DPP6: variants seen among roughly 807,000 people sequenced by gnomAD.
DPP6 encodes the protein A-type potassium channel modulatory protein DPP6.
In DPP6, 69 loss-of-function variants were observed where a neutral mutation model predicts 122.6. The ratio of observed to expected loss-of-function variants is 0.56; its 90% CI spans 0.46 to 0.69. DPP6 has a LOEUF of 0.69. Ranked by LOEUF, DPP6 falls within the 30% of genes least tolerant of loss-of-function variation. The pLI is 0.00. For missense variants in DPP6, 928 were observed against 1,116.9 expected (o/e 0.83, Z 2.41); for synonymous variants, 418 against 433.1 (o/e 0.97, Z 0.43).
At chr7:153,784,932 T>C in the DPP6 span, among the ~76,000 whole-genome samples, 1 of 152,240 alleles carries the variant, frequency 6.6e-6, no homozygotes, top group African/African-American at 2.4e-5. Context: ...TAACCTCTTT[T>C]GTAGCATTTA....
intron 1 of DPP6, among the ~76,000 whole-genome samples, chr7:154,253,769 ACTAC>A (rs905783542): frequency 1.3e-5 from 2 of 152,238 alleles, no homozygotes; most frequent in African/African-American, 4.8e-5. Context: ...CACTGTGATA[ACTAC>A]CTGAGACTGG....
chr7:153,837,975 T>C, the DPP6 span, among the ~76,000 whole-genome samples: 2 of 151,670 alleles, frequency 1.3e-5, no homozygotes, highest in Non-Finnish European at 2.9e-5. Context: ...TACCTCTTTG[T>C]AGTTCTTATA....
At chr7:154,335,311 A>G (rs764204562) in intron 1 of DPP6, among the ~76,000 whole-genome samples, 40 of 151,942 alleles carry the variant, frequency 2.6e-4, no homozygotes, top group African/African-American at 9.7e-4. Flanking sequence ...CTTAAAAAAC[A>G]AAACAAAACA....
rs114307041 is a variant in DPP6 at position 154,235,775 on chromosome 7, A to G, written c.243+182712A>G. Among the ~76,000 whole-genome samples the G allele has an allele frequency of 7.4e-3, 1,130 of 152,312 alleles. 16 individuals are homozygous for G. Among genetic ancestry groups the G allele is most frequent in the African/African-American group, 0.026 (1,067 of 41,566 alleles). Reference sequence around the variant, plus strand: ...TGAATTTAATCTGCCTAGATTCAAAATTTGCCATGCCATTTCTTAGGTGTA... The same window carrying G: ...TGAATTTAATCTGCCTAGATTCAAAGTTTGCCATGCCATTTCTTAGGTGTA... On this transcript the variant is annotated intron_variant, in intron 1 of 25. Coordinates refer to ENST00000377770, the MANE Select transcript of DPP6 (RefSeq NM_130797.4).
At chr7:154,472,226 G>A (rs1191133292) in intron 2 of DPP6, among the ~76,000 whole-genome samples, 3 of 152,136 alleles carry the variant, frequency 2.0e-5, no homozygotes, top group African/African-American at 4.8e-5. Flanking sequence ...ATCCACAAGT[G>A]GACATTTTTT....
chr7:154,715,486 C>T (rs1292299554), intron 7 of DPP6, among the ~76,000 whole-genome samples: 2 of 152,226 alleles, frequency 1.3e-5, no homozygotes, highest in East Asian at 3.8e-4. Context: ...CCGACCTTAT[C>T]ATTGGAACAC....
chr7:153,954,914 G>A (rs1232282477), intron 1 of DPP6, among the ~76,000 whole-genome samples: 2 of 98,386 alleles, frequency 2.0e-5, no homozygotes. Context: ...ATGCTGATTC[G>A]TGCATAAACA....
At chr7:154,795,956 G>C in intron 12 of DPP6, 73 bp downstream of exon 12, 1 of 1,543,300 alleles carries the variant, frequency 6.5e-7, no homozygotes, top group South Asian at 1.3e-5. Flanking sequence ...TCAGAGCTTC[G>C]ACAACAGCAG....
At chr7:154,225,697 T>C (rs1291108209) in intron 1 of DPP6, among the ~76,000 whole-genome samples, 1 of 151,980 alleles carries the variant, frequency 6.6e-6, no homozygotes, top group Non-Finnish European at 1.5e-5. Flanking sequence ...TTACCTATTC[T>C]ATCGATAAAT....
At chr7:154,472,911 A>C (rs1179039272) in intron 2 of DPP6, among the ~76,000 whole-genome samples, 1 of 152,196 alleles carries the variant, frequency 6.6e-6, no homozygotes, top group Non-Finnish European at 1.5e-5. Context: ...AAACAAATAA[A>C]ATTACAGTTT....
In DPP6 at chr7:154,754,853, A is replaced by G. The variant is rs28553574; in HGVS notation, c.884-14564A>G. ...GACATGGATGAAGCTGGAAACCATCATCCTCAGCAAACAAACACAGGAACA... is the reference window on the plus strand; with the variant it reads ...GACATGGATGAAGCTGGAAACCATCGTCCTCAGCAAACAAACACAGGAACA... On this transcript the variant is annotated intron_variant, in intron 8 of 25. Coordinates refer to ENST00000377770, the MANE Select transcript of DPP6 (RefSeq NM_130797.4). Among the ~76,000 whole-genome samples the G allele has an allele frequency of 4.5e-3, 685 of 152,322 alleles. 9 individuals carry two copies. The highest frequency in any genetic ancestry group is 0.015 in the African/African-American group (644 of 41,566).
intron 1 of DPP6, among the ~76,000 whole-genome samples, chr7:154,227,184 A>G (rs1800654833): frequency 6.8e-6 from 1 of 146,682 alleles, no homozygotes; most frequent in African/African-American, 2.6e-5. Context: ...CTAAAAGTCC[A>G]TTGACAGATG....
chr7:154,889,892 G>T, intron 25 of DPP6: 1 of 259,538 alleles, frequency 3.9e-6, no homozygotes, highest in Non-Finnish European at 7.3e-6. Flanking sequence ...TGTTGTTCTG[G>T]GTTGGTGAGA....
At chr7:154,065,797 G>T (rs1802672493) in intron 1 of DPP6, among the ~76,000 whole-genome samples, 2 of 151,996 alleles carry the variant, frequency 1.3e-5, no homozygotes, top group South Asian at 4.2e-4. Context: ...TTTCCTCAGG[G>T]ACTGGGTTTT....
At chr7:154,779,039 A>T (rs1796811542) in intron 10 of DPP6, among the ~76,000 whole-genome samples, 1 of 145,912 alleles carries the variant, frequency 6.9e-6, no homozygotes, top group Admixed American at 6.8e-5. Flanking sequence ...CACCACCACC[A>T]CCACAACTAC....
At chr7:154,668,219 A>ATAT (rs1554430259) in intron 6 of DPP6, among the ~76,000 whole-genome samples, 26 of 54,340 alleles carry the variant, frequency 4.8e-4, no homozygotes, top group African/African-American at 7.9e-4. Context: ...ATATATATAT[A>ATAT]ATATACACAT....
chr7:153,876,260 T>C, the DPP6 span, among the ~76,000 whole-genome samples: 5 of 152,002 alleles, frequency 3.3e-5, no homozygotes, highest in Non-Finnish European at 7.4e-5. Flanking sequence ...TCAATAAGGA[T>C]GTAGTAGATT....
At chr7:154,656,486 ACCCAGG>A (rs1220316415) in intron 6 of DPP6, among the ~76,000 whole-genome samples, 1 of 152,050 alleles carries the variant, frequency 6.6e-6, no homozygotes, top group African/African-American at 2.4e-5. Context: ...GGGAGAGACC[ACCCAGG>A]CCCAGCACGG....
chr7:154,220,660 G>T, intron 1 of DPP6, among the ~76,000 whole-genome samples: 1 of 152,146 alleles, frequency 6.6e-6, no homozygotes, highest in Non-Finnish European at 1.5e-5. Flanking sequence ...GAGACTGTTG[G>T]CACCTGGATC....
Sources: allele counts gnomAD v4.1 joint callset (sites outside exome capture counted in the v4.1 genomes callset), GRCh38; gene constraint gnomAD v4.1.1; transcripts MANE v1.5; gene names NCBI Gene and HGNC (gene_info 2026-07-23, HGNC 2026-07-21).